The following STC1 variants were observed in gnomAD, a reference collection of about 807,000 sequenced individuals.
The protein encoded by STC1 is stanniocalcin-1.
STC1 carries 7 observed loss-of-function variants against 22.6 expected under a neutral mutation model. The observed-to-expected ratio is 0.31, with a 90% confidence interval of 0.18 to 0.58. STC1 has a LOEUF of 0.58. STC1 is among the 20% of genes least tolerant of loss of function. STC1 has a pLI of 0.89. For synonymous variants in STC1, 113 were observed against 120.7 expected (o/e 0.94, Z 0.42); for missense variants, 224 against 311.0 (o/e 0.72, Z 2.10).
rs1195218986 is a variant in STC1 at position 23,842,525 on chromosome 8, T to TACTGA, written c.*2240_*2244dup. On this transcript the variant is annotated 3_prime_UTR_variant, in exon 4 of 4. Coordinates refer to ENST00000290271, the MANE Select transcript of STC1 (RefSeq NM_003155.3). ...AAAAAAGAAAAGAAAAAAGGAAATC[T>TACTGA]ACTGAACTGAAGAAAGAGAGAAATT... The TACTGA allele has an allele frequency of 6.1e-5, 9 of 146,580 alleles. No individual in the cohort carries two copies. The highest frequency in any genetic ancestry group is 1.3e-4 in the Non-Finnish European group (9 of 66,720). The allele number at this position is 146,580 out of a possible 1,614,324, so 9.1% of individuals were successfully genotyped here.
In STC1 at chr8:23,844,503, A is replaced by T; in HGVS notation, c.*267T>A. Reference sequence around the variant, plus strand: ...GTGGTCTCAGGGGAGCAGGGGAAAAACATGGCAGAGGAAGTTGGTAAAAGA... The same window carrying T: ...GTGGTCTCAGGGGAGCAGGGGAAAATCATGGCAGAGGAAGTTGGTAAAAGA... On this transcript the variant is annotated 3_prime_UTR_variant, in exon 4 of 4. Coordinates refer to ENST00000290271, the MANE Select transcript of STC1 (RefSeq NM_003155.3). The T allele has an allele frequency of 2.3e-6, 1 of 435,254 alleles. No homozygotes were observed. Among genetic ancestry groups the T allele is most frequent in the East Asian group, 3.8e-5 (1 of 26,278 alleles). The allele number at this position is 435,254 out of a possible 1,614,324, so 27.0% of individuals were successfully genotyped here. A position where few individuals can be genotyped will look rare whatever the true frequency, so the allele number is the denominator to read the frequency against.
At chr8:23,845,733 T>C (rs1189953943) in intron 3 of STC1, among the ~76,000 whole-genome samples, 1 of 152,170 alleles carries the variant, frequency 6.6e-6, no homozygotes, top group African/African-American at 2.4e-5. Flanking sequence ...CAAAGGTATA[T>C]TGTAGTCAGA....
intron 3 of STC1, among the ~76,000 whole-genome samples, chr8:23,849,337 A>G (rs1000508694): frequency 1.3e-5 from 2 of 152,222 alleles, no homozygotes; most frequent in Non-Finnish European, 2.9e-5. Flanking sequence ...GAGCAGGAAT[A>G]ATATAGCCTG....
In STC1 at chr8:23,854,723, C is replaced by CGCCGCTGCTGCTGCT; in HGVS notation, c.-215_-201dup. 1.2e-5 allele frequency: 8 copies of CGCCGCTGCTGCTGCT among 663,268 alleles called. No homozygotes were observed. Among genetic ancestry groups the CGCCGCTGCTGCTGCT allele is most frequent in the Non-Finnish European group, 2.0e-5 (7 of 358,930 alleles). The allele number at this position is 663,268 out of a possible 1,614,324, so 41.1% of individuals were successfully genotyped here. ...GTGCCTCCGCTGCTGCTGCTGCTGC[C>CGCCGCTGCTGCTGCT]GCCGCTGCTGCTGCTGCTGCCACCG... On this transcript the variant is annotated 5_prime_UTR_variant, in exon 1 of 4. Coordinates refer to ENST00000290271, the MANE Select transcript of STC1 (RefSeq NM_003155.3).
rs748652476 is a variant in STC1 at position 23,852,194 on chromosome 8, C to T, written c.261+48G>A. The T allele has an allele frequency of 6.2e-6, 10 of 1,612,416 alleles. No homozygotes were observed. The South Asian group carries it at 8.8e-5, about 14-fold the overall frequency. ...TTCCTAAGAACCATGGTCTAACACA[C>T]TGTTAAAGACAAGCAGCCAGTGGGA... On this transcript the variant is annotated intron_variant, in intron 2 of 3. Transcript: ENST00000290271.
At chr8:23,854,257 A>G in intron 1 of STC1, 149 bp downstream of exon 1, 1 of 931,144 alleles carries the variant, frequency 1.1e-6, no homozygotes, top group Non-Finnish European at 1.6e-6. Flanking sequence ...CCACTGCCTA[A>G]GGCTATTGGA....
Position 23,842,484 on chromosome 8 carries a change from C to CAAAAAAAAAAAA in STC1, c.*2274_*2285dup, listed in dbSNP as rs10638798. ...TACCACGGTTTGAAGAGGTCACAGC[C>CAAAAAAAAAAAA]AAAAAAAAAAAAAAAAAAAAAGAAA... On this transcript the variant is annotated 3_prime_UTR_variant, in exon 4 of 4. Coordinates refer to ENST00000290271, the MANE Select transcript of STC1 (RefSeq NM_003155.3). 108 of 79,862 alleles carry CAAAAAAAAAAAA rather than the reference C, an allele frequency of 1.4e-3. 1 individual carries two copies. The highest frequency in any genetic ancestry group is 1.8e-3 in the Non-Finnish European group (79 of 43,020). 4.9% of individuals were successfully genotyped at this position (79,862 alleles called of 1,614,324 possible).
chr8:23,845,096 C>A, intron 3 of STC1, 56 bp from the exon 4 acceptor site: 2 of 1,580,922 alleles, frequency 1.3e-6, no homozygotes, highest in Admixed American at 1.7e-5. Context: ...CCGGCGAGAC[C>A]CAGGCTTTCA....
chr8:23,845,837 A>C lies in STC1; in HGVS notation c.474-797T>G, dbSNP rs142372357. Among the ~76,000 whole-genome samples, 306 of 152,304 alleles carry C rather than the reference A, an allele frequency of 2.0e-3. 2 individuals are homozygous for C. The highest frequency in any genetic ancestry group is 6.8e-3 in the African/African-American group (282 of 41,566). ...ATAATTCATGAATCCTTCTTCTACT[A>C]TACCAGAGTTTGCTAACCTCTTCCC... On this transcript the variant is annotated intron_variant, in intron 3 of 3. Transcript: ENST00000290271.
In STC1 at chr8:23,852,368, G is replaced by A; in HGVS notation, c.135C>T (p.Cys45=). Residue 45 remains cysteine, a synonymous_variant, in exon 2 of 4, where the codon TGC becomes TGT. Transcript: ENST00000290271. ...AGCCGACCTGTAGAGCACTGTTGAG[G>A]CAACGAACCACTTCAGCTGAAAGAG... The part of the protein sequence containing the change: ...AAQNSAEVVR[C]LNSALQVGCG... 1.9e-6 allele frequency: 3 copies of A among 1,603,406 alleles called. No individual in the cohort carries two copies. The highest frequency in any genetic ancestry group is 2.6e-6 in the Non-Finnish European group (3 of 1,175,450).
chr8:23,845,860 C>T lies in STC1; in HGVS notation c.474-820G>A, dbSNP rs144575766. On this transcript the variant is annotated intron_variant, in intron 3 of 3. Coordinates refer to ENST00000290271, the MANE Select transcript of STC1 (RefSeq NM_003155.3). Reference sequence around the variant, plus strand: ...CTATACCAGAGTTTGCTAACCTCTTCCCTTTTTGGATATTTATAGATCTTT... The same window carrying T: ...CTATACCAGAGTTTGCTAACCTCTTTCCTTTTTGGATATTTATAGATCTTT... Among the ~76,000 whole-genome samples, 100 of 152,268 alleles carry T rather than the reference C, an allele frequency of 6.6e-4. 2 individuals are homozygous for T. The highest frequency in any genetic ancestry group is 1.0e-3 in the Admixed American group (16 of 15,294).
intron 3 of STC1, 112 bp from the exon 4 acceptor site, chr8:23,845,152 A>C: frequency 3.6e-6 from 4 of 1,123,492 alleles, no homozygotes; most frequent in Non-Finnish European, 5.1e-6. Context: ...GACCATGCAA[A>C]CATCAATAGT....
chr8:23,854,726 C>A lies in STC1; in HGVS notation c.-203G>T. ...CCTCCGCTGCTGCTGCTGCTGCCGC[C>A]GCTGCTGCTGCTGCTGCCACCGCCG... On this transcript the variant is annotated 5_prime_UTR_variant, in exon 1 of 4. Coordinates refer to ENST00000290271, the MANE Select transcript of STC1 (RefSeq NM_003155.3). 1 of 656,766 alleles carries A rather than the reference C, an allele frequency of 1.5e-6. No homozygotes were observed. Among genetic ancestry groups the A allele is most frequent in the African/African-American group, 1.8e-5 (1 of 55,126 alleles). The allele number at this position is 656,766 out of a possible 1,614,324, so 40.7% of individuals were successfully genotyped here. A position where few individuals can be genotyped will look rare whatever the true frequency, so the allele number is the denominator to read the frequency against.
chr8:23,848,388 T>G (rs1802597006), intron 3 of STC1, among the ~76,000 whole-genome samples: 1 of 151,640 alleles, frequency 6.6e-6, no homozygotes, highest in Non-Finnish European at 1.5e-5. Context: ...AAAAATTAGC[T>G]GGGCGTGGTG....
chr8:23,851,236 T>G, intron 3 of STC1, 84 bp downstream of exon 3: 1 of 1,352,138 alleles, frequency 7.4e-7, no homozygotes, highest in Non-Finnish European at 1.1e-6. Flanking sequence ...CTGTGGCAAT[T>G]TAACCCTCCC....
chr8:23,847,984 C>A (rs756779237), intron 3 of STC1, among the ~76,000 whole-genome samples: 13 of 152,220 alleles, frequency 8.5e-5, no homozygotes, highest in Non-Finnish European at 1.5e-4. Context: ...TGGCTCAAGG[C>A]CACATGAGTT....
In STC1 at chr8:23,843,672, T is replaced by C. The variant is rs1231455041; in HGVS notation, c.*1098A>G. ...TTGGTTCCTGGAATTTCCAGTTGGA[T>C]GTGACAGAGATCTTTCAGTATAGGT... On this transcript the variant is annotated 3_prime_UTR_variant, in exon 4 of 4. Coordinates refer to ENST00000290271, the MANE Select transcript of STC1 (RefSeq NM_003155.3). 3 of 152,688 alleles carry C rather than the reference T, an allele frequency of 2.0e-5. No individual in the cohort carries two copies. Among genetic ancestry groups the C allele is most frequent in the African/African-American group, 7.2e-5 (3 of 41,470 alleles). The allele number at this position is 152,688 out of a possible 1,614,324, so 9.5% of individuals were successfully genotyped here. A position where few individuals can be genotyped will look rare whatever the true frequency, so the allele number is the denominator to read the frequency against.
At position 23,843,874 on chromosome 8, in the gene STC1, T is replaced by A. The variant is rs936669530; in HGVS notation, c.*896A>T. ...TAAAAAAGGCCACAAGGAGCATTTATGTGGATATCTGGAAGTGAGATAGTT... is the reference window on the plus strand; with the variant it reads ...TAAAAAAGGCCACAAGGAGCATTTAAGTGGATATCTGGAAGTGAGATAGTT... On this transcript the variant is annotated 3_prime_UTR_variant, in exon 4 of 4. Coordinates refer to ENST00000290271, the MANE Select transcript of STC1 (RefSeq NM_003155.3). 2.0e-5 allele frequency: 3 copies of A among 152,662 alleles called. No individual in the cohort carries two copies. The East Asian group carries it at 5.8e-4, about 29-fold the overall frequency. 9.5% of individuals were successfully genotyped at this position (152,662 alleles called of 1,614,324 possible).
chr8:23,852,215 T>C (rs1464615756), intron 2 of STC1, 27 bp downstream of exon 2: 1 of 1,613,932 alleles, frequency 6.2e-7, no homozygotes, highest in East Asian at 2.2e-5. Flanking sequence ...AAGCAGCCAG[T>C]GGGAGCAGGG....
Sources: gnomAD v4.1 joint callset for allele counts (sites outside exome capture counted in the v4.1 genomes callset) on GRCh38, gnomAD v4.1.1 for gene constraint, MANE v1.5 for transcripts, NCBI Gene and HGNC (gene_info 2026-07-23, HGNC 2026-07-21) for gene names.